DERA: variants seen among roughly 807,000 people sequenced by gnomAD.
The protein encoded by DERA is 2-deoxy-D-ribose 5-phosphate aldolase.
A neutral mutation model predicts 41.1 loss-of-function variants in DERA; 15 were observed. The observed-to-expected ratio is 0.37, with a 90% confidence interval of 0.24 to 0.56. The LOEUF (loss-of-function observed/expected upper bound fraction) is 0.56. Among genes scored for constraint, DERA ranks in the 20% least tolerant of loss-of-function variants. The pLI is 0.81. For synonymous variants in DERA, 139 were observed against 137.4 expected, an observed-to-expected ratio of 1.01 and a Z score of -0.08; for missense variants, 396 against 403.4, an observed-to-expected ratio of 0.98 and a Z score of 0.16.
At chr12:15,986,795 AAATAT>A (rs1253094130) in intron 6 of DERA, among the ~76,000 whole-genome samples, 1 of 152,188 alleles carries the variant, frequency 6.6e-6, no homozygotes, top group Admixed American at 6.5e-5. Flanking sequence ...TTCTTCCTAT[AAATAT>A]GAGTTTCCAT....
At position 15,985,003 on chromosome 12, in the gene DERA, T is replaced by A. The variant is rs1386364399; in HGVS notation, c.637+2567T>A. On this transcript the variant is annotated intron_variant, in intron 6 of 8. Coordinates refer to ENST00000428559, the MANE Select transcript of DERA (RefSeq NM_015954.4). The surrounding 1 kb of genome is among the most constrained non-coding windows in gnomAD (Gnocchi z 4.2). ...TTAAATCAATTTCATTGAGGCAGAT[T>A]TGCATTCAGTAAAATTCAGGTGTTA... Among the ~76,000 whole-genome samples, 1 of 152,228 alleles carries A rather than the reference T, an allele frequency of 6.6e-6. No individual in the cohort carries two copies. Among genetic ancestry groups the A allele is most frequent in the Non-Finnish European group, 1.5e-5 (1 of 68,036 alleles).
At chr12:15,944,245 G>A (rs113749440) in intron 1 of DERA, among the ~76,000 whole-genome samples, 22 of 152,272 alleles carry the variant, frequency 1.4e-4, no homozygotes, top group African/African-American at 5.3e-4. Flanking sequence ...TATATATCCA[G>A]TAATGGGATG....
Position 15,928,770 on chromosome 12 carries a change from G to A in DERA, c.31+17356G>A, listed in dbSNP as rs1420443149. On this transcript the variant is annotated intron_variant, in intron 1 of 8. Transcript: ENST00000428559. This position sits in a 1 kb window ranked among gnomAD's most constrained non-coding sequence, Gnocchi z 4.6. ...GCTTTTTCCTGGGAAAGGTAAGTTT[G>A]GTTGGTACCAAGGAATGACCCTTTA... 6.6e-6 allele frequency among the ~76,000 whole-genome samples: 1 copy of A among 152,186 alleles called. No homozygotes were observed. Among genetic ancestry groups the A allele is most frequent in the Admixed American group, 6.5e-5 (1 of 15,276 alleles).
chr12:15,914,664 C>T (rs973094330), intron 1 of DERA, among the ~76,000 whole-genome samples: 1 of 152,074 alleles, frequency 6.6e-6, no homozygotes, highest in African/African-American at 2.4e-5. Flanking sequence ...CTGGAGAATG[C>T]GGGTGTTATT....
intron 5 of DERA, among the ~76,000 whole-genome samples, chr12:15,977,803 G>T (rs1565602963): frequency 6.6e-6 from 1 of 152,212 alleles, no homozygotes; most frequent in Non-Finnish European, 1.5e-5. Context: ...ACTGCAAATT[G>T]TCTCACGATG....
Position 15,918,211 on chromosome 12 carries a change from T to C in DERA, c.31+6797T>C, listed in dbSNP as rs1234255363. Reference sequence around the variant, plus strand: ...TCTGCCTTCCTCATCCCGCTGGTGCTTGGTCCCCCACAGCAGGCTGCTGCC... The same window carrying C: ...TCTGCCTTCCTCATCCCGCTGGTGCCTGGTCCCCCACAGCAGGCTGCTGCC... On this transcript the variant is annotated intron_variant, in intron 1 of 8. Transcript: ENST00000428559. The surrounding 1 kb of genome is among the most constrained non-coding windows in gnomAD (Gnocchi z 4.3). 6.6e-6 allele frequency among the ~76,000 whole-genome samples: 1 copy of C among 152,210 alleles called. No individual in the cohort carries two copies. The highest frequency in any genetic ancestry group is 1.9e-4 in the East Asian group (1 of 5,174).
At position 15,957,030 on chromosome 12, in the gene DERA, G is replaced by C; in HGVS notation, c.126G>C (p.Trp42Cys). The C allele has an allele frequency of 6.2e-7, 1 of 1,613,154 alleles. No homozygotes were observed. Among genetic ancestry groups the C allele is most frequent in the Non-Finnish European group, 8.5e-7 (1 of 1,179,208 alleles). Reference protein sequence around the residue: ...IQARRTVKKEWQAAWLLKAVT... With the variant: ...IQARRTVKKECQAAWLLKAVT... ...CTCGCAGAACCGTGAAAAAGGAGTG[G>C]CAGGTAAGGGTTCTTCTTGAGCATT... The change falls in exon 2 of 9, where the codon TGG becomes TGC. Residue 42 changes from tryptophan to cysteine, a missense_variant. Coordinates refer to ENST00000428559, the MANE Select transcript of DERA (RefSeq NM_015954.4). This position sits in a 1 kb window ranked among gnomAD's most constrained non-coding sequence, Gnocchi z 4.8.
At position 15,983,778 on chromosome 12, in the gene DERA, A is replaced by T. The variant is rs188908983; in HGVS notation, c.637+1342A>T. 6.6e-5 allele frequency among the ~76,000 whole-genome samples: 10 copies of T among 152,292 alleles called. 1 individual carries two copies. Among genetic ancestry groups the T allele is most frequent in the Admixed American group, 6.5e-4 (10 of 15,300 alleles). On this transcript the variant is annotated intron_variant, in intron 6 of 8. Transcript: ENST00000428559. This position sits in a 1 kb window ranked among gnomAD's most constrained non-coding sequence, Gnocchi z 6.2. Reference sequence around the variant, plus strand: ...GATCATTCCTTGGAACTCTACTGAAAATCAGCCTACTAGTCAGCAATGGTG... The same window carrying T: ...GATCATTCCTTGGAACTCTACTGAATATCAGCCTACTAGTCAGCAATGGTG...
At chr12:15,969,465 G>A (rs933971088) in intron 5 of DERA, among the ~76,000 whole-genome samples, 2 of 152,180 alleles carry the variant, frequency 1.3e-5, no homozygotes, top group Admixed American at 6.5e-5. Flanking sequence ...GGCTAGGATT[G>A]TCTGACATTC....
At chr12:15,964,093 A>G (rs1948606941) in intron 5 of DERA, among the ~76,000 whole-genome samples, 1 of 152,184 alleles carries the variant, frequency 6.6e-6, no homozygotes, top group African/African-American at 2.4e-5. Flanking sequence ...CCAGTTCCAA[A>G]GCATGTGGCT....
chr12:15,973,429 T>C (rs1387529405), intron 5 of DERA, among the ~76,000 whole-genome samples: 1 of 27,630 alleles, frequency 3.6e-5, no homozygotes, highest in African/African-American at 1.2e-4. Context: ...GCATCTTTGA[T>C]AATATATGGC....
At chr12:15,980,973 A>C (rs1195997428) in intron 5 of DERA, among the ~76,000 whole-genome samples, 1 of 152,096 alleles carries the variant, frequency 6.6e-6, no homozygotes, top group Non-Finnish European at 1.5e-5. Context: ...TAGAACTCTC[A>C]TTTTAGCTTT....
In DERA at chr12:16,014,168, C is replaced by A. The variant is rs1281068128; in HGVS notation, c.638-18374C>A. ...AGCCTGATGATGTGATAGAAAAAAACCCACTTTCTGAGGAGAAATTCAAGC... is the reference window on the plus strand; with the variant it reads ...AGCCTGATGATGTGATAGAAAAAAAACCACTTTCTGAGGAGAAATTCAAGC... On this transcript the variant is annotated intron_variant, in intron 6 of 8. Transcript: ENST00000428559. This position sits in a 1 kb window ranked among gnomAD's most constrained non-coding sequence, Gnocchi z 5.4. Among the ~76,000 whole-genome samples, 1 of 152,084 alleles carries A rather than the reference C, an allele frequency of 6.6e-6. No homozygotes were observed. Among genetic ancestry groups the A allele is most frequent in the African/African-American group, 2.4e-5 (1 of 41,418 alleles).
chr12:15,997,029 G>A (rs1482305281), intron 6 of DERA, among the ~76,000 whole-genome samples: 1 of 152,160 alleles, frequency 6.6e-6, no homozygotes, highest in Non-Finnish European at 1.5e-5. Flanking sequence ...GATTGGAAAG[G>A]AGTGACATAT....
rs1462592418 is a variant in DERA at position 16,008,253 on chromosome 12, C to T, written c.638-24289C>T. 1.3e-5 allele frequency among the ~76,000 whole-genome samples: 2 copies of T among 152,246 alleles called. No homozygotes were observed. The highest frequency in any genetic ancestry group is 2.1e-4 in the South Asian group (1 of 4,838). ...ATGCCTCAGATGGTTGTTTCTCAAACAGGAATCCTACTACTCCGTGGCTTC... is the reference window on the plus strand; with the variant it reads ...ATGCCTCAGATGGTTGTTTCTCAAATAGGAATCCTACTACTCCGTGGCTTC... On this transcript the variant is annotated intron_variant, in intron 6 of 8. Coordinates refer to ENST00000428559, the MANE Select transcript of DERA (RefSeq NM_015954.4). This position sits in a 1 kb window ranked among gnomAD's most constrained non-coding sequence, Gnocchi z 4.8.
At chr12:15,968,086 CTT>C (rs368286741) in intron 5 of DERA, among the ~76,000 whole-genome samples, 19 of 141,828 alleles carry the variant, frequency 1.3e-4, no homozygotes, top group Admixed American at 1.4e-4. Flanking sequence ...TCTTCTTCTT[CTT>C]TTTTTTTTTT....
intron 5 of DERA, among the ~76,000 whole-genome samples, chr12:15,980,734 T>C (rs778653447): frequency 1.3e-5 from 2 of 152,190 alleles, no homozygotes; most frequent in Non-Finnish European, 2.9e-5. Flanking sequence ...CTGTTCTTTA[T>C]TGAACCTTCT....
At chr12:15,956,542 C>G (rs1948540376) in intron 1 of DERA, 1 of 353,670 alleles carries the variant, frequency 2.8e-6, no homozygotes, top group African/African-American at 2.1e-5. Flanking sequence ...ATTTGTTAAT[C>G]ATTTGCTCTC....
At chr12:16,028,956 C>G (rs904273598) in intron 6 of DERA, among the ~76,000 whole-genome samples, 7 of 152,108 alleles carry the variant, frequency 4.6e-5, no homozygotes, top group African/African-American at 1.7e-4. Context: ...TAAAAAAAAT[C>G]TATAAAGTGT....
Sources: allele counts gnomAD v4.1 joint callset (sites outside exome capture counted in the v4.1 genomes callset), GRCh38; gene constraint gnomAD v4.1.1; non-coding constraint Gnocchi (gnomAD v3.1); transcripts MANE v1.5; gene names NCBI Gene and HGNC (gene_info 2026-07-23, HGNC 2026-07-21).